Variants in RASAL2 observed in about 807,000 individuals in gnomAD.
RASAL2 encodes RAS protein activator like 2, also known as ras GTPase-activating protein nGAP.
A neutral mutation model predicts 128.9 loss-of-function variants in RASAL2; 58 were observed. The ratio of observed to expected loss-of-function variants is 0.45; its 90% CI spans 0.36 to 0.56. The LOEUF is 0.56. Among genes scored for constraint, RASAL2 ranks in the 20% least tolerant of loss-of-function variants. The probability of loss-of-function intolerance (pLI) is 0.00; values close to 1 mark genes in which losing one functional copy is unlikely to be tolerated. For synonymous variants in RASAL2, 561 were observed against 580.8 expected, an observed-to-expected ratio of 0.97 and a Z score of 0.49; for missense variants, 1,360 against 1,601.6, an observed-to-expected ratio of 0.85 and a Z score of 2.57.
intron 4 of RASAL2, among the ~76,000 whole-genome samples, chr1:178,406,147 C>A (rs892534089): frequency 6.6e-6 from 1 of 152,110 alleles, no homozygotes; most frequent in Non-Finnish European, 1.5e-5. Context: ...AAGACTTGTT[C>A]ATAAATGTTT....
At chr1:178,221,400 A>G (rs1163436800) in intron 1 of RASAL2, among the ~76,000 whole-genome samples, 2 of 152,242 alleles carry the variant, frequency 1.3e-5, no homozygotes, top group Non-Finnish European at 2.9e-5. Flanking sequence ...ATGCATTTCA[A>G]TGTTATAGAC....
At chr1:178,182,247 C>G (rs1662141522) in intron 1 of RASAL2, among the ~76,000 whole-genome samples, 1 of 152,170 alleles carries the variant, frequency 6.6e-6, no homozygotes, top group Non-Finnish European at 1.5e-5. Flanking sequence ...TTAGTTGGAT[C>G]CTTGACCCCA....
chr1:178,254,368 G>A (rs1665215683), intron 1 of RASAL2, among the ~76,000 whole-genome samples: 1 of 152,228 alleles, frequency 6.6e-6, no homozygotes, highest in East Asian at 1.9e-4. Flanking sequence ...CATGCACAGG[G>A]TCTTTAAAAG....
At chr1:178,322,548 C>T (rs942472415) in intron 3 of RASAL2, among the ~76,000 whole-genome samples, 2 of 152,202 alleles carry the variant, frequency 1.3e-5, no homozygotes, top group African/African-American at 2.4e-5. Context: ...CCCCAACAAC[C>T]TGTTCTCATG....
At chr1:178,312,320 A>G (rs910698824) in intron 3 of RASAL2, among the ~76,000 whole-genome samples, 4 of 152,170 alleles carry the variant, frequency 2.6e-5, no homozygotes, top group Non-Finnish European at 5.9e-5. Context: ...TGGAGTACAT[A>G]CAAAGGATCA....
chr1:178,237,042 G>A (rs2102039047), intron 1 of RASAL2, among the ~76,000 whole-genome samples: 1 of 152,178 alleles, frequency 6.6e-6, no homozygotes, highest in South Asian at 2.1e-4. Flanking sequence ...GGAATTACAG[G>A]TGTGAGCCAG....
At chr1:178,229,718 A>G (rs572532602) in intron 1 of RASAL2, among the ~76,000 whole-genome samples, 1 of 152,296 alleles carries the variant, frequency 6.6e-6, no homozygotes, top group South Asian at 2.1e-4. Context: ...AGCCAATAAT[A>G]CACAGAAAGT....
intron 2 of RASAL2, among the ~76,000 whole-genome samples, chr1:178,288,002 A>G (rs1667109114): frequency 6.6e-6 from 1 of 152,212 alleles, no homozygotes; most frequent in African/African-American, 2.4e-5. Flanking sequence ...AAAATTTAAA[A>G]AATATATAAG....
intron 17 of RASAL2, among the ~76,000 whole-genome samples, chr1:178,470,191 T>G (rs1424489849): frequency 2.0e-5 from 3 of 152,228 alleles, no homozygotes; most frequent in African/African-American, 2.4e-5. Context: ...TTTAATAGAA[T>G]GAAGACGTGT....
At chr1:178,250,358 G>A (rs1367542295) in intron 1 of RASAL2, among the ~76,000 whole-genome samples, 1 of 152,198 alleles carries the variant, frequency 6.6e-6, no homozygotes, top group Non-Finnish European at 1.5e-5. Flanking sequence ...CAAACTCCCA[G>A]GCCTCCTTAG....
At chr1:178,412,193 A>C (rs1181101663) in intron 4 of RASAL2, among the ~76,000 whole-genome samples, 1 of 152,232 alleles carries the variant, frequency 6.6e-6, no homozygotes, top group Non-Finnish European at 1.5e-5. Flanking sequence ...GAAAAATATT[A>C]CAAGCTAGGG....
At chr1:178,465,489 G>A (rs1213419850) in intron 15 of RASAL2, among the ~76,000 whole-genome samples, 1 of 152,108 alleles carries the variant, frequency 6.6e-6, no homozygotes, top group African/African-American at 2.4e-5. Flanking sequence ...TTCTCTTATA[G>A]ACAACTGACT....
intron 3 of RASAL2, among the ~76,000 whole-genome samples, chr1:178,350,651 A>G (rs928881136): frequency 5.9e-5 from 9 of 152,080 alleles, no homozygotes; most frequent in Non-Finnish European, 1.0e-4. Context: ...TCCTCTTTCA[A>G]ACTTGTTCAG....
chr1:178,274,954 T>G (rs1354123325), intron 1 of RASAL2, among the ~76,000 whole-genome samples: 1 of 152,336 alleles, frequency 6.6e-6, no homozygotes, highest in South Asian at 2.1e-4. Context: ...TTTTATTTCC[T>G]TCAAAGGATT....
At chr1:178,129,192 G>A (rs1660007400) in intron 1 of RASAL2, among the ~76,000 whole-genome samples, 1 of 152,006 alleles carries the variant, frequency 6.6e-6, no homozygotes, top group South Asian at 2.1e-4. Context: ...GCACCATTCT[G>A]CATTTCCACT....
At chr1:178,144,612 T>A (rs565453516) in intron 1 of RASAL2, among the ~76,000 whole-genome samples, 22 of 152,292 alleles carry the variant, frequency 1.4e-4, no homozygotes, top group African/African-American at 5.1e-4. Flanking sequence ...TATTTAAGTA[T>A]TTTTGACATC....
At chr1:178,141,552 C>A (rs1660533331) in intron 1 of RASAL2, among the ~76,000 whole-genome samples, 1 of 152,008 alleles carries the variant, frequency 6.6e-6, no homozygotes, top group South Asian at 2.1e-4. Context: ...TCTCAGTACC[C>A]CCTCTCAACA....
chr1:178,096,921 G>A (rs1282226595), intron 1 of RASAL2, among the ~76,000 whole-genome samples: 1 of 152,110 alleles, frequency 6.6e-6, no homozygotes, highest in African/African-American at 2.4e-5. Flanking sequence ...GTTGCCTATT[G>A]TATGAACAGG....
At chr1:178,306,033 C>T (rs137880515) in intron 3 of RASAL2, among the ~76,000 whole-genome samples, 63 of 152,278 alleles carry the variant, frequency 4.1e-4, no homozygotes, top group Middle Eastern at 3.4e-3. Flanking sequence ...AAGAGTTCTC[C>T]GACTGTTGCA....
Sources: gnomAD v4.1 joint callset for allele counts (sites outside exome capture counted in the v4.1 genomes callset) on GRCh38, gnomAD v4.1.1 for gene constraint, MANE v1.5 for transcripts, NCBI Gene and HGNC (gene_info 2026-07-23, HGNC 2026-07-21) for gene names.